Variants in RADIL observed in about 807,000 individuals in gnomAD.
The protein encoded by RADIL is ras-associating and dilute domain-containing protein.
RADIL carries 99 observed loss-of-function variants against 97.6 expected under a neutral mutation model. The ratio of observed to expected loss-of-function variants is 1.01; its 90% confidence interval spans 0.86 to 1.20. The LOEUF (loss-of-function observed/expected upper bound fraction) is 1.20. RADIL is among the 50% of genes most tolerant of loss of function. The probability of loss-of-function intolerance (pLI) is 0.00; values close to 1 mark genes in which losing one functional copy is unlikely to be tolerated. For synonymous variants in RADIL, 803 were observed against 691.8 expected, an observed-to-expected ratio of 1.16 and a Z score of -2.52; for missense variants, 1,765 against 1,498.9, an observed-to-expected ratio of 1.18 and a Z score of -2.93.
chr7:4,878,334 G>A lies in RADIL; in HGVS notation c.-64-131C>T, dbSNP rs1404848012. 1.3e-5 allele frequency: 8 copies of A among 627,696 alleles called. No homozygotes were observed. Among genetic ancestry groups the A allele is most frequent in the South Asian group, 2.1e-5 (1 of 48,134 alleles). 38.9% of individuals were successfully genotyped at this position (627,696 alleles called of 1,614,324 possible). A position where few individuals can be genotyped will look rare whatever the true frequency, so the allele number is the denominator to read the frequency against. On this transcript the variant is annotated intron_variant, in intron 1 of 14. Coordinates refer to ENST00000399583, the MANE Select transcript of RADIL (RefSeq NM_018059.5). This position sits in a 1 kb window ranked among gnomAD's most constrained non-coding sequence, Gnocchi z 4.1. ...CAAGGTGGGAGGACGGCTTGAGCCC[G>A]GGAGTTCCAGACCAGCCTGGGAAAC...
intron 5 of RADIL, among the ~76,000 whole-genome samples, chr7:4,831,431 T>G (rs1356864327): frequency 6.6e-6 from 1 of 151,626 alleles, no homozygotes; most frequent in African/African-American, 2.4e-5. Flanking sequence ...AATGAATGGG[T>G]ACAAGGCTTA....
chr7:4,831,213 A>AT (rs34064307), intron 5 of RADIL, among the ~76,000 whole-genome samples: 2 of 151,500 alleles, frequency 1.3e-5, no homozygotes, highest in Non-Finnish European at 2.9e-5. Flanking sequence ...AAAAAAAAAA[A>AT]GCACGAGATC....
chr7:4,823,840 C>T (rs141434183), intron 5 of RADIL, among the ~76,000 whole-genome samples: 4 of 152,300 alleles, frequency 2.6e-5, no homozygotes, highest in African/African-American at 7.2e-5. Context: ...CTGAGGTGCC[C>T]GGGTAATTCC....
In RADIL at chr7:4,834,335, A is replaced by ATT. The variant is rs1046653832; in HGVS notation, c.1416+271_1416+272insAA. On this transcript the variant is annotated intron_variant, in intron 4 of 14. Coordinates refer to ENST00000399583, the MANE Select transcript of RADIL (RefSeq NM_018059.5). This position sits in a 1 kb window ranked among gnomAD's most constrained non-coding sequence, Gnocchi z 6.0. Reference sequence around the variant, plus strand: ...CCAGCTGGACCCCAGGGAGGGTACAAGCCCAGAGCTCAGGAGGTGACCTAG... The same window carrying ATT: ...CCAGCTGGACCCCAGGGAGGGTACAATTGCCCAGAGCTCAGGAGGTGACCTAG... Among the ~76,000 whole-genome samples, 8 of 152,134 alleles carry ATT rather than the reference A, an allele frequency of 5.3e-5. No homozygotes were observed. Among genetic ancestry groups the ATT allele is most frequent in the Admixed American group, 2.0e-4 (3 of 15,286 alleles).
chr7:4,812,892 G>C (rs1035327433), intron 9 of RADIL, among the ~76,000 whole-genome samples: 1 of 152,066 alleles, frequency 6.6e-6, no homozygotes, highest in African/African-American at 2.4e-5. Context: ...GGCCTTCCTT[G>C]TTTTCTAACA....
Position 4,800,225 on chromosome 7 carries a change from C to CGTGAA in RADIL, c.2923_2927dup (p.Val977SerfsTer16). 1 of 1,604,450 alleles carries CGTGAA rather than the reference C, an allele frequency of 6.2e-7. No homozygotes were observed. The highest frequency in any genetic ancestry group is 8.5e-7 in the Non-Finnish European group (1 of 1,176,600). On this transcript the variant is annotated frameshift_variant, in exon 13 of 15. Transcript: ENST00000399583. LOFTEE classifies it high-confidence loss of function. ...CGGAGGGGCCTCGTTCCAGCTCCAC[C>CGTGAA]GTGAAGACGTAGCAGAAGTCCTCGG...
At chr7:4,861,523 T>C (rs1272421934) in intron 2 of RADIL, 3 of 1,613,946 alleles carry the variant, frequency 1.9e-6, no homozygotes, top group Non-Finnish European at 2.5e-6. Context: ...TAAAAATCTT[T>C]CCTCCAACGT....
rs1781955950 is a variant in RADIL, at chr7:4,797,526, C to G, written c.*1852G>C. The G allele has an allele frequency of 6.6e-6, 1 of 152,138 alleles. No individual in the cohort carries two copies. The highest frequency in any genetic ancestry group is 6.5e-5 in the Admixed American group (1 of 15,270). 9.4% of individuals were successfully genotyped at this position (152,138 alleles called of 1,614,324 possible). A position where few individuals can be genotyped will look rare whatever the true frequency, so the allele number is the denominator to read the frequency against. On this transcript the variant is annotated 3_prime_UTR_variant, in exon 15 of 15. Transcript: ENST00000399583. ...CTTTCCTCTGGCCACAGTCCACACC[C>G]CTCCCACATAAAAAATATACTCAAC...
intron 2 of RADIL, among the ~76,000 whole-genome samples, chr7:4,871,311 A>C (rs1784248190): frequency 1.3e-5 from 2 of 152,246 alleles, no homozygotes; most frequent in Non-Finnish European, 2.9e-5. Context: ...AAAATATTTC[A>C]AATGAAAACA....
intron 2 of RADIL, among the ~76,000 whole-genome samples, chr7:4,841,055 C>A (rs546273515): frequency 6.6e-6 from 1 of 152,220 alleles, no homozygotes; most frequent in Non-Finnish European, 1.5e-5. Flanking sequence ...ACGGCCGCAG[C>A]CTTTCATAAC....
chr7:4,843,880 C>G (rs13240459), intron 2 of RADIL, among the ~76,000 whole-genome samples: 1 of 145,164 alleles, frequency 6.9e-6, no homozygotes, highest in African/African-American at 2.6e-5. Flanking sequence ...CCACTGCACT[C>G]CAGCCTGGGT....
At chr7:4,866,500 A>G (rs1784134373) in intron 2 of RADIL, among the ~76,000 whole-genome samples, 1 of 152,242 alleles carries the variant, frequency 6.6e-6, no homozygotes, top group Admixed American at 6.5e-5. Flanking sequence ...CAATATCTAG[A>G]AAACCTGTTT....
chr7:4,809,482 C>T (rs892427776), intron 9 of RADIL: 1 of 985,404 alleles, frequency 1.0e-6, no homozygotes, highest in Admixed American at 6.1e-5. Flanking sequence ...GAGGAACACG[C>T]TTGTGTGTCC....
At chr7:4,852,025 C>T (rs576616773) in intron 2 of RADIL, among the ~76,000 whole-genome samples, 93 of 152,360 alleles carry the variant, frequency 6.1e-4, no homozygotes, top group African/African-American at 2.1e-3. Flanking sequence ...CCTCCACCAT[C>T]TCACCAGAAG....
chr7:4,830,461 TGC>T (rs1404272903), intron 5 of RADIL, among the ~76,000 whole-genome samples: 1 of 152,148 alleles, frequency 6.6e-6, no homozygotes, highest in African/African-American at 2.4e-5. Flanking sequence ...AGAGTGGCGG[TGC>T]ACTACCTTAC....
chr7:4,838,017 C>A, intron 2 of RADIL: 14 of 985,384 alleles, frequency 1.4e-5, no homozygotes, highest in Non-Finnish European at 1.6e-5. Context: ...GCGCCAGCAG[C>A]CCCGCCGTCC....
chr7:4,865,902 A>G, intron 2 of RADIL: 1 of 627,144 alleles, frequency 1.6e-6, no homozygotes, highest in Admixed American at 2.5e-5. Flanking sequence ...AATTACCTTT[A>G]GCATTCAGTA....
chr7:4,832,781 G>A (rs1783184887), intron 4 of RADIL, among the ~76,000 whole-genome samples: 2 of 150,946 alleles, frequency 1.3e-5, no homozygotes, highest in Admixed American at 1.3e-4. Flanking sequence ...TCTTGCCTTA[G>A]TAGTAAGTTA....
In RADIL at chr7:4,842,810, C is replaced by T. The variant is rs1384240333; in HGVS notation, c.536-6205G>A. Among the ~76,000 whole-genome samples the T allele has an allele frequency of 1.3e-5, 2 of 152,018 alleles. No homozygotes were observed. Among genetic ancestry groups the T allele is most frequent in the African/African-American group, 4.8e-5 (2 of 41,388 alleles). ...GAGACGGAGGGGATAATGAAACGTTCCTGGGCTGGGGAACTTTACCACTAC... is the reference window on the plus strand; with the variant it reads ...GAGACGGAGGGGATAATGAAACGTTTCTGGGCTGGGGAACTTTACCACTAC... On this transcript the variant is annotated intron_variant, in intron 2 of 14. Coordinates refer to ENST00000399583, the MANE Select transcript of RADIL (RefSeq NM_018059.5). This position sits in a 1 kb window ranked among gnomAD's most constrained non-coding sequence, Gnocchi z 4.5.
Sources: gnomAD v4.1 joint callset for allele counts (sites outside exome capture counted in the v4.1 genomes callset) on GRCh38, gnomAD v4.1.1 for gene constraint, Gnocchi (gnomAD v3.1) non-coding constraint, MANE v1.5 for transcripts, NCBI Gene and HGNC (gene_info 2026-07-23, HGNC 2026-07-21) for gene names.